Variants in ENAH observed in about 807,000 individuals in gnomAD.
ENAH encodes the protein protein enabled homolog.
A neutral mutation model predicts 78.7 loss-of-function variants in ENAH; 23 were observed. That is an observed-to-expected ratio of 0.29 (90% CI 0.21 to 0.41). The LOEUF is 0.41. Among genes scored for constraint, ENAH ranks in the 10% least tolerant of loss-of-function variants. The pLI, the probability that ENAH is intolerant of heterozygous loss-of-function variation, is 1.00. For missense variants in ENAH, 544 were observed against 691.0 expected (o/e 0.79, Z 2.39); for synonymous variants, 226 against 241.0 (o/e 0.94, Z 0.58).
At chr1:225,537,722 CT>C (rs11321329) in intron 3 of ENAH, among the ~76,000 whole-genome samples, 102,001 of 146,864 alleles carry the variant, frequency 0.69, 35,614 homozygotes, top group Middle Eastern at 0.76. Flanking sequence ...GGCCTATTGA[CT>C]TTTTTTTTTT....
intron 1 of ENAH, among the ~76,000 whole-genome samples, chr1:225,588,490 G>A (rs1383194763): frequency 6.6e-6 from 1 of 152,190 alleles, no homozygotes; most frequent in Admixed American, 6.5e-5. Flanking sequence ...AATGGTGAGA[G>A]TATAAAATGG....
intron 1 of ENAH, among the ~76,000 whole-genome samples, chr1:225,611,465 T>A (rs1028366406): frequency 4.6e-5 from 7 of 152,064 alleles, no homozygotes; most frequent in African/African-American, 1.7e-4. Flanking sequence ...ACTACAAGCG[T>A]GCATCACCAC....
At chr1:225,590,022 T>A (rs759337105) in intron 1 of ENAH, among the ~76,000 whole-genome samples, 1 of 138,924 alleles carries the variant, frequency 7.2e-6, no homozygotes, top group Admixed American at 6.9e-5. Context: ...AGAAACAACA[T>A]ATAAATGATA....
intron 1 of ENAH, among the ~76,000 whole-genome samples, chr1:225,651,001 T>C (rs540564543): frequency 6.6e-6 from 1 of 151,552 alleles, no homozygotes; most frequent in Non-Finnish European, 1.5e-5. Flanking sequence ...CAACAACATA[T>C]AATATTACAA....
intron 1 of ENAH, among the ~76,000 whole-genome samples, chr1:225,585,103 C>T (rs1030570867): frequency 6.6e-5 from 10 of 151,464 alleles, no homozygotes; most frequent in African/African-American, 2.4e-4. Flanking sequence ...ATAATCCCAG[C>T]TACTCAGGAG....
At chr1:225,524,919 AC>A (rs1395149395) in intron 4 of ENAH, among the ~76,000 whole-genome samples, 3 of 152,212 alleles carry the variant, frequency 2.0e-5, no homozygotes, top group African/African-American at 7.2e-5. Flanking sequence ...AGGGTATTGG[AC>A]TAATAAGAAT....
chr1:225,567,411 T>C lies in ENAH; in HGVS notation c.9A>G (p.Glu3=). ...CAGCTCTTGCCTGACAGATACTCTG[T>C]TCACTGTAAAAAATAAAATAAAATA... MS[E]QSICQARAAV... The change falls in exon 2 of 14, where the codon GAA becomes GAG. Residue 3 remains glutamate (E), a synonymous_variant. Coordinates refer to ENST00000366843, the MANE Select transcript of ENAH (RefSeq NM_018212.6). 2 of 1,602,116 alleles carry C rather than the reference T, an allele frequency of 1.2e-6. No homozygotes were observed. Among genetic ancestry groups the C allele is most frequent in the Middle Eastern group, 1.7e-4 (1 of 6,040 alleles).
Position 225,503,677 on chromosome 1 carries a change from AACAC to A in ENAH, c.1539-2611_1539-2608del, listed in dbSNP as rs1166712829. On this transcript the variant is annotated intron_variant, in intron 11 of 13. Coordinates refer to ENST00000366843, the MANE Select transcript of ENAH (RefSeq NM_018212.6). ...CCACCTCAAAAAAAAAAAAAAAAAA[AACAC>A]AAAACTATTTCACTACTGGAATATA... Among the ~76,000 whole-genome samples the A allele has an allele frequency of 1.1e-3, 159 of 138,890 alleles. 3 individuals are homozygous for A. Among genetic ancestry groups the A allele is most frequent in the South Asian group, 3.6e-3 (14 of 3,892 alleles). The allele number at this position is 138,890 out of a possible 152,430, so 91.1% of individuals were successfully genotyped here.
chr1:225,611,300 A>T (rs1410250185), intron 1 of ENAH, among the ~76,000 whole-genome samples: 9 of 152,072 alleles, frequency 5.9e-5, no homozygotes, highest in Non-Finnish European at 1.2e-4. Context: ...CCAAAAAAAA[A>T]AATTTATTTA....
chr1:225,498,988 T>C (rs2096265919), intron 12 of ENAH, among the ~76,000 whole-genome samples: 1 of 152,106 alleles, frequency 6.6e-6, no homozygotes, highest in Admixed American at 6.5e-5. Context: ...GCACGAATCA[T>C]ATGCAGCTGC....
At chr1:225,599,380 T>C (rs540903214) in intron 1 of ENAH, among the ~76,000 whole-genome samples, 6 of 152,190 alleles carry the variant, frequency 3.9e-5, no homozygotes, top group African/African-American at 1.4e-4. Flanking sequence ...GTATATTAGA[T>C]GATATTCAAT....
At chr1:225,505,483 T>C (rs2096319733) in intron 11 of ENAH, among the ~76,000 whole-genome samples, 1 of 152,214 alleles carries the variant, frequency 6.6e-6, no homozygotes, top group Non-Finnish European at 1.5e-5. Flanking sequence ...GCTTTTACTC[T>C]GACATATTCA....
intron 1 of ENAH, among the ~76,000 whole-genome samples, chr1:225,639,738 ACACAC>A (rs1364375003): frequency 7.5e-6 from 1 of 133,752 alleles, no homozygotes; most frequent in African/African-American, 4.0e-5. Flanking sequence ...ACACACACAC[ACACAC>A]AAGAAGGATG....
chr1:225,582,121 C>A (rs1401285636), intron 1 of ENAH, among the ~76,000 whole-genome samples: 1 of 152,032 alleles, frequency 6.6e-6, no homozygotes, highest in African/African-American at 2.4e-5. Flanking sequence ...TGGTGCTATT[C>A]CTTTGATAGT....
intron 1 of ENAH, among the ~76,000 whole-genome samples, chr1:225,638,487 C>A (rs548552072): frequency 3.9e-5 from 6 of 152,320 alleles, no homozygotes; most frequent in Admixed American, 1.3e-4. Context: ...TCTCCTCCCC[C>A]ACTAAACTGT....
chr1:225,567,304 T>C lies in ENAH; in HGVS notation c.116A>G (p.His39Arg). The change falls in exon 2 of 14, where the codon CAC becomes CGC. Residue 39 changes from histidine to arginine, a missense_variant. Around this residue, in one of 4 missense-constraint regions of ENAH, gnomAD observed 77 missense variants for 151.8 expected, o/e 0.51. Coordinates refer to ENST00000366843, the MANE Select transcript of ENAH (RefSeq NM_018212.6). ...STGFSRVHIY[H>R]HTGNNTFRVV... Reference sequence around the variant, plus strand: ...TCTGAATGTGTTGTTGCCTGTATGGTGATAGATATGAACTCTGCTGAATCC... The same window carrying C: ...TCTGAATGTGTTGTTGCCTGTATGGCGATAGATATGAACTCTGCTGAATCC... The C allele has an allele frequency of 6.2e-7, 1 of 1,614,160 alleles. No homozygotes were observed. The highest frequency in any genetic ancestry group is 8.5e-7 in the Non-Finnish European group (1 of 1,180,020).
intron 1 of ENAH, among the ~76,000 whole-genome samples, chr1:225,586,902 T>C (rs1373593722): frequency 8.8e-5 from 11 of 124,936 alleles, no homozygotes; most frequent in Non-Finnish European, 3.1e-5. Context: ...CACGTGCCTG[T>C]AGACCCAGCT....
intron 1 of ENAH, among the ~76,000 whole-genome samples, chr1:225,600,364 T>TA (rs779665664): frequency 3.9e-5 from 6 of 152,028 alleles, no homozygotes; most frequent in Non-Finnish European, 7.4e-5. Flanking sequence ...AGACTCTGTC[T>TA]AAAAAATAAT....
chr1:225,523,061 G>A (rs1056275984), intron 4 of ENAH, among the ~76,000 whole-genome samples: 4 of 151,922 alleles, frequency 2.6e-5, no homozygotes, highest in African/African-American at 9.7e-5. Flanking sequence ...CTTTCTAACA[G>A]GAAGATGCCT....
Sources: allele counts gnomAD v4.1 joint callset (sites outside exome capture counted in the v4.1 genomes callset), GRCh38; gene constraint gnomAD v4.1.1; regional missense constraint gnomAD v4.1.1; transcripts MANE v1.5; gene names NCBI Gene and HGNC (gene_info 2026-07-23, HGNC 2026-07-21).